Variants in NKAIN2 observed in about 807,000 individuals in gnomAD.
The protein encoded by NKAIN2 is sodium/potassium-transporting ATPase subunit beta-1-interacting protein 2.
NKAIN2 carries 14 observed loss-of-function variants against 32.6 expected under a neutral mutation model. The ratio of observed to expected loss-of-function variants is 0.43; its 90% confidence interval spans 0.28 to 0.67. NKAIN2 has a LOEUF of 0.67. Among genes scored for constraint, NKAIN2 ranks in the 30% least tolerant of loss-of-function variants. The pLI is 0.17. For synonymous variants in NKAIN2, 80 were observed against 87.2 expected, an observed-to-expected ratio of 0.92 and a Z score of 0.46; for missense variants, 198 against 258.3, an observed-to-expected ratio of 0.77 and a Z score of 1.60.
intron 3 of NKAIN2, among the ~76,000 whole-genome samples, chr6:124,415,805 T>G (rs1774436097): frequency 6.6e-6 from 1 of 151,860 alleles, no homozygotes; most frequent in Non-Finnish European, 1.5e-5. Context: ...TCAAACCAAC[T>G]ATGTATTTTA....
At chr6:123,969,462 A>G (rs1269459878) in intron 1 of NKAIN2, among the ~76,000 whole-genome samples, 1 of 152,198 alleles carries the variant, frequency 6.6e-6, no homozygotes, top group African/African-American at 2.4e-5. Flanking sequence ...TCTCACCAAG[A>G]TGACTGGCAC....
chr6:124,734,521 G>C (rs1182925950), intron 4 of NKAIN2, among the ~76,000 whole-genome samples: 1 of 151,766 alleles, frequency 6.6e-6, no homozygotes, highest in African/African-American at 2.4e-5. Context: ...CCTTGTTGGT[G>C]AATTCCACAA....
At chr6:124,249,969 G>A (rs1164751210) in intron 1 of NKAIN2, among the ~76,000 whole-genome samples, 1 of 152,110 alleles carries the variant, frequency 6.6e-6, no homozygotes, top group Non-Finnish European at 1.5e-5. Context: ...GGATAAGGGG[G>A]ACAGGTGTAT....
intron 1 of NKAIN2, among the ~76,000 whole-genome samples, chr6:124,177,090 T>C (rs545691931): frequency 2.6e-5 from 4 of 152,162 alleles, no homozygotes; most frequent in Non-Finnish European, 5.9e-5. Context: ...AATATTAGGT[T>C]AATCTACCAA....
At chr6:124,395,085 C>G (rs1299077834) in intron 3 of NKAIN2, among the ~76,000 whole-genome samples, 3 of 152,108 alleles carry the variant, frequency 2.0e-5, no homozygotes, top group Non-Finnish European at 2.9e-5. Context: ...AATACCTCCT[C>G]TGTATATAAT....
chr6:124,773,599 A>T (rs1458508423), intron 4 of NKAIN2, among the ~76,000 whole-genome samples: 1 of 152,164 alleles, frequency 6.6e-6, no homozygotes, highest in African/African-American at 2.4e-5. Flanking sequence ...AATACCAGGT[A>T]CAAATTACAA....
intron 1 of NKAIN2, among the ~76,000 whole-genome samples, chr6:124,108,329 A>G (rs1046691268): frequency 1.4e-4 from 22 of 152,108 alleles, no homozygotes; most frequent in Admixed American, 3.9e-4. Flanking sequence ...CTGAAGAAAC[A>G]TCTATTGAAA....
intron 3 of NKAIN2, among the ~76,000 whole-genome samples, chr6:124,413,576 G>A (rs1445005889): frequency 6.6e-6 from 1 of 152,158 alleles, no homozygotes; most frequent in Non-Finnish European, 1.5e-5. Flanking sequence ...AATAGTCAGT[G>A]TCTCAAAATA....
chr6:123,946,840 C>A (rs762597452), intron 1 of NKAIN2, among the ~76,000 whole-genome samples: 19 of 152,166 alleles, frequency 1.2e-4, no homozygotes, highest in Non-Finnish European at 8.8e-5. Flanking sequence ...CACATGGGGG[C>A]CTGTGGTGAC....
intron 4 of NKAIN2, among the ~76,000 whole-genome samples, chr6:124,779,821 A>G (rs569906940): frequency 6.6e-6 from 1 of 152,308 alleles, no homozygotes; most frequent in South Asian, 2.1e-4. Flanking sequence ...CTCATGAGTG[A>G]GCCCAACCAA....
chr6:124,099,169 C>A (rs996086545), intron 1 of NKAIN2, among the ~76,000 whole-genome samples: 7 of 151,898 alleles, frequency 4.6e-5, no homozygotes, highest in Admixed American at 2.6e-4. Flanking sequence ...TATTTGTATT[C>A]TTTTATGGTT....
intron 3 of NKAIN2, among the ~76,000 whole-genome samples, chr6:124,592,825 C>T (rs1372786694): frequency 1.3e-5 from 2 of 152,090 alleles, no homozygotes; most frequent in African/African-American, 2.4e-5. Context: ...CATAGTATTC[C>T]GTGTAGAGTC....
chr6:124,637,142 C>T (rs940634433), intron 3 of NKAIN2, among the ~76,000 whole-genome samples: 8 of 152,056 alleles, frequency 5.3e-5, no homozygotes, highest in Admixed American at 2.6e-4. Context: ...AAGAACCACG[C>T]GATTCTCTCA....
At chr6:123,806,327 C>T (rs1773211656) in intron 1 of NKAIN2, among the ~76,000 whole-genome samples, 1 of 151,948 alleles carries the variant, frequency 6.6e-6, no homozygotes, top group African/African-American at 2.4e-5. Flanking sequence ...CTTTATGTGC[C>T]ACCAGGCTAA....
At chr6:124,002,504 A>G (rs866259148) in intron 1 of NKAIN2, among the ~76,000 whole-genome samples, 34 of 151,850 alleles carry the variant, frequency 2.2e-4, no homozygotes, top group African/African-American at 8.2e-4. Flanking sequence ...AGTTATTTCA[A>G]ATGTCTCCTT....
chr6:124,345,119 A>G (rs1397547318), intron 2 of NKAIN2, among the ~76,000 whole-genome samples: 2 of 152,020 alleles, frequency 1.3e-5, no homozygotes, highest in Non-Finnish European at 2.9e-5. Flanking sequence ...GGTTCTGTTT[A>G]TATGCTAGTT....
chr6:123,982,320 C>G (rs1464442324), intron 1 of NKAIN2, among the ~76,000 whole-genome samples: 2 of 152,026 alleles, frequency 1.3e-5, no homozygotes, highest in South Asian at 2.1e-4. Context: ...TGTGAAGACA[C>G]GCAAAGAGGG....
intron 3 of NKAIN2, among the ~76,000 whole-genome samples, chr6:124,614,186 G>T (rs1457630641): frequency 6.6e-6 from 1 of 152,170 alleles, no homozygotes; most frequent in Non-Finnish European, 1.5e-5. Flanking sequence ...TTGAGGTCAG[G>T]AGTTCGAGAC....
intron 4 of NKAIN2, among the ~76,000 whole-genome samples, chr6:124,748,105 A>C (rs1777526931): frequency 6.6e-6 from 1 of 151,972 alleles, no homozygotes; most frequent in South Asian, 2.1e-4. Flanking sequence ...TTTGCCATGA[A>C]AGTTTCTTAA....
Sources: gnomAD v4.1 joint callset for allele counts (sites outside exome capture counted in the v4.1 genomes callset) on GRCh38, gnomAD v4.1.1 for gene constraint, MANE v1.5 for transcripts, NCBI Gene and HGNC (gene_info 2026-07-23, HGNC 2026-07-21) for gene names.